GAK: variants seen among roughly 807,000 people sequenced by gnomAD.
The protein encoded by GAK is cyclin G associated kinase.
GAK carries 79 observed loss-of-function variants against 143.9 expected under a neutral mutation model. The ratio of observed to expected loss-of-function variants is 0.55; its 90% confidence interval spans 0.46 to 0.66. The LOEUF is 0.66. GAK is among the 30% of genes least tolerant of loss of function. The pLI, the probability that GAK is intolerant of heterozygous loss-of-function variation, is 0.00. For synonymous variants in GAK, 881 were observed against 765.5 expected (o/e 1.15, Z -2.49); for missense variants, 1,693 against 1,779.7 (o/e 0.95, Z 0.88).
intron 15 of GAK, among the ~76,000 whole-genome samples, chr4:879,676 G>C (rs1714703758): frequency 6.6e-6 from 1 of 152,094 alleles, no homozygotes; most frequent in African/African-American, 2.4e-5. Context: ...CATCCTGCTT[G>C]GTGACCTCTG....
intron 3 of GAK, 53 bp downstream of exon 3, chr4:912,682 G>A (rs530976179): frequency 1.1e-5 from 16 of 1,444,454 alleles, no homozygotes; most frequent in South Asian, 8.0e-5. Context: ...CTTGACGCAG[G>A]CCTGTGCCTG....
At chr4:885,012 G>A (rs977243279) in intron 11 of GAK, among the ~76,000 whole-genome samples, 2 of 151,742 alleles carry the variant, frequency 1.3e-5, no homozygotes, top group African/African-American at 4.8e-5. Flanking sequence ...GACATAGGAT[G>A]CGGGTCTTCC....
intron 14 of GAK, among the ~76,000 whole-genome samples, chr4:882,385 C>T (rs77317373): frequency 0.042 from 6,408 of 152,254 alleles, 157 homozygotes; most frequent in East Asian, 0.094. Context: ...CCTCGAGCTG[C>T]AGATCGGGAA....
At chr4:925,969 C>T (rs917519543) in intron 1 of GAK, among the ~76,000 whole-genome samples, 2 of 152,166 alleles carry the variant, frequency 1.3e-5, no homozygotes, top group African/African-American at 4.8e-5. Context: ...AGGGGAGTGG[C>T]CCAGCCCAAC....
chr4:866,429 G>C lies in GAK; in HGVS notation c.2978C>G (p.Pro993Arg), dbSNP rs1449293186. 6.2e-7 allele frequency: 1 copy of C among 1,614,122 alleles called. No homozygotes were observed. The highest frequency in any genetic ancestry group is 8.5e-7 in the Non-Finnish European group (1 of 1,179,978). ...EFLNSDSVTV[P>R]PSFPSAHSAP... ...ACTGTGGGCAGACGGGAAGGATGGT[G>C]GGACGGTCACAGAGTCCGAATTGAG... The change falls in exon 22 of 28, where the codon CCA (proline) becomes CGA (arginine). Residue 993 changes from proline (P) to arginine (R), a missense_variant. Transcript: ENST00000314167.
chr4:926,505 A>C (rs1311712886), intron 1 of GAK, among the ~76,000 whole-genome samples: 4 of 152,212 alleles, frequency 2.6e-5, no homozygotes, highest in Non-Finnish European at 5.9e-5. Context: ...CTCTTCTGCG[A>C]GATGGAAGTA....
At chr4:931,916 A>G in intron 1 of GAK, 127 bp downstream of exon 1, 1 of 719,202 alleles carries the variant, frequency 1.4e-6, no homozygotes, top group East Asian at 2.9e-5. Flanking sequence ...GCCGACCCTG[A>G]CCCACGATCC....
rs1726019390 is a variant in GAK at position 932,243 on chromosome 4, C to A, written c.-56G>T. ...CGGAGTGGTCGGGCTCGGGCTCCCG[C>A]TCCCTCGCCGTCCGGGTCAGCTCAG... On this transcript the variant is annotated 5_prime_UTR_variant, in exon 1 of 28. Coordinates refer to ENST00000314167, the MANE Select transcript of GAK (RefSeq NM_005255.4). The surrounding 1 kb of genome is among the most constrained non-coding windows in gnomAD (Gnocchi z 4.0). 5.4e-6 allele frequency: 8 copies of A among 1,470,180 alleles called. No individual in the cohort carries two copies. Among genetic ancestry groups the A allele is most frequent in the Non-Finnish European group, 7.2e-6 (8 of 1,116,402 alleles). 91.1% of individuals were successfully genotyped at this position (1,470,180 alleles called of 1,614,324 possible).
At chr4:917,332 C>G (rs906220973) in intron 1 of GAK, among the ~76,000 whole-genome samples, 1 of 150,426 alleles carries the variant, frequency 6.6e-6, no homozygotes, top group Non-Finnish European at 1.5e-5. Flanking sequence ...AATGCCAGGC[C>G]AAAAAAAGAG....
At position 859,708 on chromosome 4, in the gene GAK, G is replaced by A. The variant is rs745702429; in HGVS notation, c.3181C>T (p.Pro1061Ser). 1.0e-5 allele frequency: 16 copies of A among 1,592,756 alleles called. 1 individual carries two copies. In the East Asian group the frequency reaches 3.6e-4, roughly 36 times the overall value. ...CCACAAGGGGCCGGCTGACCTCCAG[G>A]AGAGAAGAGGGGGCCTGGAGAAGGG... ...TPATEGPLFS[P>S]GGQPAPCGSQ... Residue 1061 changes from proline (P) to serine (S), a missense_variant, in exon 24 of 28, where the codon CCT becomes TCT. Pro to Ser is a moderately conservative substitution (Grantham distance 74, BLOSUM62 -1). Around this residue, in one of 2 missense-constraint regions of GAK, gnomAD observed 822 missense variants for 788.7 expected, o/e 1.04. Coordinates refer to ENST00000314167, the MANE Select transcript of GAK (RefSeq NM_005255.4).
Position 866,533 on chromosome 4 carries a change from A to G in GAK, c.2874T>C (p.Ala958=). ...STPRGGPPAA[A]DPFGPLLPSS... is the part of the protein sequence containing the mutation. ...ACGGCAGAAGCGGGCCAAAGGGGTC[A>G]GCTGTGGGGACAGGCGGGCATGGGG... is the stretch of plus-strand genomic sequence containing the variant. Residue 958 remains alanine (A), a splice_region_variant and synonymous_variant, in exon 22 of 28, where the codon GCT becomes GCC. Coordinates refer to ENST00000314167, the MANE Select transcript of GAK (RefSeq NM_005255.4). The G allele has an allele frequency of 6.2e-7, 1 of 1,613,240 alleles. No homozygotes were observed. Among genetic ancestry groups the G allele is most frequent in the Non-Finnish European group, 8.5e-7 (1 of 1,179,748 alleles).
intron 1 of GAK, among the ~76,000 whole-genome samples, chr4:930,876 T>C (rs1353470235): frequency 1.3e-5 from 2 of 152,146 alleles, no homozygotes; most frequent in Non-Finnish European, 2.9e-5. Flanking sequence ...ATAATCAGAA[T>C]TCTGGGATAG....
chr4:862,435 CG>C (rs1455648990), intron 23 of GAK, among the ~76,000 whole-genome samples: 1 of 152,076 alleles, frequency 6.6e-6, no homozygotes, highest in Admixed American at 6.6e-5. Flanking sequence ...CTGAGGCGGG[CG>C]GATCACGAGG....
chr4:859,217 T>C, intron 24 of GAK: 2 of 1,176,036 alleles, frequency 1.7e-6, no homozygotes, highest in South Asian at 3.2e-5. Context: ...CTGGAGAGGG[T>C]GGGCTCGGTT....
Position 849,467 on chromosome 4 carries a change from GGGA to G in GAK, c.*203_*205del. ...AGGAGCATGAATCAGCTGTTCCTTC[GGGA>G]GGAGAAAAAGGAAACAACAATCAGA... On this transcript the variant is annotated 3_prime_UTR_variant, in exon 28 of 28. Transcript: ENST00000314167. The G allele has an allele frequency of 3.5e-6, 2 of 574,260 alleles. No individual in the cohort carries two copies. The highest frequency in any genetic ancestry group is 6.3e-6 in the Non-Finnish European group (2 of 318,734). 35.6% of individuals were successfully genotyped at this position (574,260 alleles called of 1,614,324 possible).
intron 13 of GAK, among the ~76,000 whole-genome samples, chr4:883,046 T>C (rs1012030744): frequency 1.4e-4 from 22 of 152,212 alleles, no homozygotes; most frequent in African/African-American, 5.1e-4. Context: ...ACAAGTGTCG[T>C]GTCTGGAAGG....
At chr4:862,491 T>A (rs996167014) in intron 23 of GAK, among the ~76,000 whole-genome samples, 1 of 152,018 alleles carries the variant, frequency 6.6e-6, no homozygotes, top group African/African-American at 2.4e-5. Flanking sequence ...AAACCCCGTC[T>A]CTAGGGGTTT....
chr4:867,497 C>T (rs552295406), intron 20 of GAK, 65 bp from the exon 21 acceptor site: 115 of 1,223,142 alleles, frequency 9.4e-5, no homozygotes, highest in Middle Eastern at 2.1e-4. Flanking sequence ...GTCCCCACGG[C>T]GCGTCCCTTC....
intron 24 of GAK, chr4:853,346 T>G (rs1748520543): frequency 6.6e-6 from 1 of 152,394 alleles, no homozygotes; most frequent in East Asian, 1.9e-4. Flanking sequence ...TACGGACTTG[T>G]GTGTGAATGA....
Sources: allele counts gnomAD v4.1 joint callset (sites outside exome capture counted in the v4.1 genomes callset), GRCh38; gene constraint gnomAD v4.1.1; regional missense constraint gnomAD v4.1.1; non-coding constraint Gnocchi (gnomAD v3.1); transcripts MANE v1.5; gene names NCBI Gene and HGNC (gene_info 2026-07-23, HGNC 2026-07-21).